The following RCAN1 variants were observed in gnomAD, a reference collection of about 807,000 sequenced individuals.
RCAN1 encodes calcipressin-1.
In RCAN1, 11 loss-of-function variants were observed where a neutral mutation model predicts 22.9. The ratio of observed to expected loss-of-function variants is 0.48; its 90% CI spans 0.30 to 0.79. The LOEUF (loss-of-function observed/expected upper bound fraction) is 0.79, where lower values mean the gene tolerates loss of function less well. Among genes scored for constraint, RCAN1 ranks in the 30% least tolerant of loss-of-function variants. The pLI is 0.06. For synonymous variants in RCAN1, 136 were observed against 142.3 expected, an observed-to-expected ratio of 0.96 and a Z score of 0.32; for missense variants, 291 against 337.8, an observed-to-expected ratio of 0.86 and a Z score of 1.09.
At chr21:34,528,679 C>A (rs1196366402) in intron 1 of RCAN1, among the ~76,000 whole-genome samples, 2 of 152,194 alleles carry the variant, frequency 1.3e-5, no homozygotes, top group African/African-American at 4.8e-5. Context: ...GGGCTTGGAA[C>A]TTCTCTGATG....
At chr21:34,548,253 A>T (rs2834526) in intron 1 of RCAN1, among the ~76,000 whole-genome samples, 5 of 152,074 alleles carry the variant, frequency 3.3e-5, no homozygotes, top group African/African-American at 9.7e-5. Context: ...CTCTTTGAGA[A>T]GAACTGAATT....
chr21:34,581,863 G>C (rs186197774), intron 1 of RCAN1, among the ~76,000 whole-genome samples: 161 of 152,310 alleles, frequency 1.1e-3, no homozygotes, highest in Non-Finnish European at 1.9e-3. Context: ...CAAAGCAACT[G>C]CCTCTCCATT....
chr21:34,596,579 G>A (rs1008886831), intron 1 of RCAN1, among the ~76,000 whole-genome samples: 6 of 152,154 alleles, frequency 3.9e-5, no homozygotes, highest in African/African-American at 9.7e-5. Flanking sequence ...CTGGGTTCTC[G>A]TAAGGTTTAG....
chr21:34,563,897 C>T (rs377088492), intron 1 of RCAN1, among the ~76,000 whole-genome samples: 25 of 148,206 alleles, frequency 1.7e-4, no homozygotes, highest in African/African-American at 5.5e-4. Context: ...ACTAGGGAGG[C>T]GGAGGTTGCA....
intron 1 of RCAN1, among the ~76,000 whole-genome samples, chr21:34,574,471 T>A (rs1057474617): frequency 6.6e-6 from 1 of 152,192 alleles, no homozygotes; most frequent in Non-Finnish European, 1.5e-5. Context: ...TAGGATGCAC[T>A]AGACCCAACT....
intron 1 of RCAN1, among the ~76,000 whole-genome samples, chr21:34,601,687 G>T (rs1005678805): frequency 6.6e-6 from 1 of 151,956 alleles, no homozygotes; most frequent in African/African-American, 2.4e-5. Flanking sequence ...GCGTGGTGGT[G>T]GGCGCCTGTA....
At chr21:34,611,785 A>G (rs1028911060) in intron 1 of RCAN1, among the ~76,000 whole-genome samples, 2 of 152,222 alleles carry the variant, frequency 1.3e-5, no homozygotes, top group Non-Finnish European at 2.9e-5. Flanking sequence ...GAAACCGCAG[A>G]AACTACATAT....
intron 1 of RCAN1, among the ~76,000 whole-genome samples, chr21:34,533,105 T>A (rs6650815): frequency 1.3e-5 from 2 of 150,200 alleles, no homozygotes; most frequent in East Asian, 2.0e-4. Context: ...GGACTACAGG[T>A]GCCCGCCACC....
rs1323084129 is a variant in RCAN1, at chr21:34,517,100, CT to C, written c.*983del. 4 of 152,272 alleles carry C rather than the reference CT, an allele frequency of 2.6e-5. No individual in the cohort carries two copies. Among genetic ancestry groups the C allele is most frequent in the Admixed American group, 2.0e-4 (3 of 15,288 alleles). 9.4% of individuals were successfully genotyped at this position (152,272 alleles called of 1,614,324 possible). On this transcript the variant is annotated 3_prime_UTR_variant, in exon 4 of 4. Transcript: ENST00000313806. ...AACAGGTATGAATATATGCTATCAG[CT>C]TTATTTACAAGTGTATCTTGATGTC...
intron 1 of RCAN1, among the ~76,000 whole-genome samples, chr21:34,558,631 T>G (rs796460565): frequency 1.1e-5 from 1 of 88,992 alleles, no homozygotes; most frequent in Non-Finnish European, 2.1e-5. Context: ...CTCAAACAAC[T>G]TAACGTATTT....
chr21:34,595,876 G>A (rs947387951), intron 1 of RCAN1, among the ~76,000 whole-genome samples: 4 of 152,200 alleles, frequency 2.6e-5, no homozygotes, highest in African/African-American at 4.8e-5. Flanking sequence ...TGGGACATAC[G>A]TGTGAAAAGG....
At chr21:34,544,680 G>A (rs539380010) in intron 1 of RCAN1, among the ~76,000 whole-genome samples, 2 of 152,304 alleles carry the variant, frequency 1.3e-5, no homozygotes, top group Non-Finnish European at 2.9e-5. Context: ...TGTCACCCAG[G>A]CTGGTCTCAA....
At position 34,615,092 on chromosome 21, in the gene RCAN1, C is replaced by T; in HGVS notation, c.-81G>A. On this transcript the variant is annotated 5_prime_UTR_variant, in exon 1 of 4. Transcript: ENST00000313806. Reference sequence around the variant, plus strand: ...GGAGCCTCACGCGCTCCGGTCCGCGCCCGGCCGGCGGCTCCGCCGTTAACC... The same window carrying T: ...GGAGCCTCACGCGCTCCGGTCCGCGTCCGGCCGGCGGCTCCGCCGTTAACC... 1 of 997,468 alleles carries T rather than the reference C, an allele frequency of 1.0e-6. No homozygotes were observed. Among genetic ancestry groups the T allele is most frequent in the Non-Finnish European group, 1.2e-6 (1 of 837,628 alleles). 61.8% of individuals were successfully genotyped at this position (997,468 alleles called of 1,614,324 possible). A position where few individuals can be genotyped will look rare whatever the true frequency, so the allele number is the denominator to read the frequency against.
Position 34,563,819 on chromosome 21 carries a change from A to AGAGAGG in RCAN1, c.253-40110_253-40109insCCTCTC, listed in dbSNP as rs543543325. Among the ~76,000 whole-genome samples, 333 of 138,658 alleles carry AGAGAGG rather than the reference A, an allele frequency of 2.4e-3. 2 individuals carry two copies. The highest frequency in any genetic ancestry group is 7.4e-3 in the African/African-American group (269 of 36,204). The allele number at this position is 138,658 out of a possible 152,430, so 91.0% of individuals were successfully genotyped here. ...TAGAGAGAGAGAGAGAGAGAGAGAG[A>AGAGAGG]GGCAGGCATGGTGGCAGGTGCCTAT... On this transcript the variant is annotated intron_variant, in intron 1 of 3. Transcript: ENST00000313806.
At chr21:34,546,214 T>G (rs1986131017) in intron 1 of RCAN1, among the ~76,000 whole-genome samples, 1 of 152,212 alleles carries the variant, frequency 6.6e-6, no homozygotes, top group Non-Finnish European at 1.5e-5. Context: ...GGCAAGTTTA[T>G]ATTTTTGTGT....
At chr21:34,607,347 T>C (rs1466673049) in intron 1 of RCAN1, among the ~76,000 whole-genome samples, 1 of 151,698 alleles carries the variant, frequency 6.6e-6, no homozygotes, top group Non-Finnish European at 1.5e-5. Context: ...CTTTTTTTCC[T>C]CCAAATAAGT....
At chr21:34,598,314 C>G (rs2250442) in intron 1 of RCAN1, among the ~76,000 whole-genome samples, 113,159 of 152,172 alleles carry the variant, frequency 0.74, 42,392 homozygotes, top group East Asian at 0.96. Flanking sequence ...TGTTAAATCA[C>G]GCTAAAATGT....
chr21:34,545,429 G>A (rs1005299233), intron 1 of RCAN1, among the ~76,000 whole-genome samples: 1 of 152,242 alleles, frequency 6.6e-6, no homozygotes, highest in Non-Finnish European at 1.5e-5. Flanking sequence ...TCTCAGAAAT[G>A]AGGAAGTGTA....
intron 1 of RCAN1, among the ~76,000 whole-genome samples, chr21:34,588,142 G>T (rs55770815): frequency 0.05 from 7,538 of 152,244 alleles, 229 homozygotes; most frequent in East Asian, 0.14. Flanking sequence ...TTTCTCTGGA[G>T]AACGCTGTAG....
Sources: gnomAD v4.1 joint callset for allele counts (sites outside exome capture counted in the v4.1 genomes callset) on GRCh38, gnomAD v4.1.1 for gene constraint, MANE v1.5 for transcripts, NCBI Gene and HGNC (gene_info 2026-07-23, HGNC 2026-07-21) for gene names.